Variants in SNX31 observed in about 807,000 individuals in gnomAD.
The protein encoded by SNX31 is sorting nexin 31.
In SNX31, 58 loss-of-function variants were observed where a neutral mutation model predicts 65.4. That is an observed-to-expected ratio of 0.89 (90% CI 0.72 to 1.10). The LOEUF (loss-of-function observed/expected upper bound fraction) is 1.10, where lower values mean the gene tolerates loss of function less well. Ranked by LOEUF, SNX31 falls within the 50% of genes least tolerant of loss-of-function variation. The pLI is 0.00. For missense variants in SNX31, 523 were observed against 529.7 expected, an observed-to-expected ratio of 0.99 and a Z score of 0.12; for synonymous variants, 181 against 190.1, an observed-to-expected ratio of 0.95 and a Z score of 0.39.
chr8:100,649,126 T>C (rs1300037717), intron 2 of SNX31, 148 bp downstream of exon 2: 1 of 715,320 alleles, frequency 1.4e-6, no homozygotes, highest in Non-Finnish European at 2.4e-6. Flanking sequence ...ATTCAGTTCA[T>C]CCTTACCAGG....
At chr8:100,615,851 G>A (rs1817133731) in intron 5 of SNX31, among the ~76,000 whole-genome samples, 1 of 152,104 alleles carries the variant, frequency 6.6e-6, no homozygotes, top group Admixed American at 6.5e-5. Flanking sequence ...CTCACTGCAA[G>A]CTCCGCCTCC....
chr8:100,651,961 C>A (rs542224313), upstream of SNX31, among the ~76,000 whole-genome samples: 6 of 150,482 alleles, frequency 4.0e-5, no homozygotes, highest in African/African-American at 9.8e-5. Flanking sequence ...ACTTGACAAG[C>A]GCACCCTTTA....
rs753305704 is a variant in SNX31, at chr8:100,635,935, T to C, written c.218A>G (p.Asp73Gly). Residue 73 changes from aspartate to glycine, a missense_variant, in exon 3 of 14, where the codon GAT (aspartate) becomes GGT (glycine). By Grantham distance (94) the Asp-to-Gly change is moderately conservative. Transcript: ENST00000311812. ...YYLAMTTAMA[D>G]ERRDQLEQYL... is the part of the protein sequence containing the mutation. ...TTGTTCCAGTTGGTCCCTCCTCTCA[T>C]CAGCCATAGCTGTGGTCATTGCCAG... is the stretch of plus-strand genomic sequence containing the variant. 6.8e-6 allele frequency: 11 copies of C among 1,614,048 alleles called. No homozygotes were observed. The highest frequency in any genetic ancestry group is 2.2e-5 in the East Asian group (1 of 44,900).
chr8:100,587,189 G>A (rs73699406), intron 11 of SNX31, among the ~76,000 whole-genome samples: 1 of 152,198 alleles, frequency 6.6e-6, no homozygotes, highest in Admixed American at 6.5e-5. Context: ...GCAGCTAGGA[G>A]TGGTCATATG....
Position 100,578,641 on chromosome 8 carries a change from T to C in SNX31, c.1171-1566A>G, listed in dbSNP as rs904541163. 7.2e-5 allele frequency among the ~76,000 whole-genome samples: 11 copies of C among 152,176 alleles called. No homozygotes were observed. Among genetic ancestry groups the C allele is most frequent in the African/African-American group, 2.7e-4 (11 of 41,460 alleles). On this transcript the variant is annotated intron_variant, in intron 12 of 13. Transcript: ENST00000311812. The surrounding 1 kb of genome is among the most constrained non-coding windows in gnomAD (Gnocchi z 4.7). ...GCATAAGACTTCCTTTAGGTTAGTA[T>C]TCTTAATGGAAATGTTCACATATTT...
intron 2 of SNX31, among the ~76,000 whole-genome samples, chr8:100,644,474 C>G (rs1190120397): frequency 2.6e-4 from 29 of 113,128 alleles, no homozygotes; most frequent in Non-Finnish European, 1.3e-4. Context: ...TCTAAAGGCA[C>G]AGAAAATGTG....
intron 12 of SNX31, among the ~76,000 whole-genome samples, chr8:100,581,319 C>CTATATATATATATCTA (rs1261112864): frequency 1.3e-4 from 16 of 123,054 alleles, no homozygotes; most frequent in African/African-American, 6.3e-4. Flanking sequence ...TTTTATATAT[C>CTATATATATATATCTA]TATATCTATC....
intron 9 of SNX31, 68 bp downstream of exon 9, chr8:100,600,281 A>G: frequency 7.4e-7 from 1 of 1,343,382 alleles, no homozygotes; most frequent in Non-Finnish European, 1.1e-6. Context: ...TTACAGAAAC[A>G]GTTCAATTCT....
At position 100,642,164 on chromosome 8, in the gene SNX31, A is replaced by G. The variant is rs1449791689; in HGVS notation, c.142-6153T>C. Reference sequence around the variant, plus strand: ...TTTTTCGGCCCTTCCAGAGACTGTCAAAAGGCATCCCAGTTGGAGCATTAT... The same window carrying G: ...TTTTTCGGCCCTTCCAGAGACTGTCGAAAGGCATCCCAGTTGGAGCATTAT... On this transcript the variant is annotated intron_variant, in intron 2 of 13. Coordinates refer to ENST00000311812, the MANE Select transcript of SNX31 (RefSeq NM_152628.4). Among the ~76,000 whole-genome samples, 11 of 152,334 alleles carry G rather than the reference A, an allele frequency of 7.2e-5. No individual in the cohort carries two copies. In the East Asian group the frequency reaches 2.1e-3, roughly 29 times the overall value.
At position 100,649,571 on chromosome 8, in the gene SNX31, G is replaced by A; in HGVS notation, c.-57C>T. 1 of 1,505,124 alleles carries A rather than the reference G, an allele frequency of 6.6e-7. No homozygotes were observed. Among genetic ancestry groups the A allele is most frequent in the East Asian group, 2.5e-5 (1 of 40,592 alleles). 93.2% of individuals were successfully genotyped at this position (1,505,124 alleles called of 1,614,324 possible). ...AACCCGACCTGCGGCGGCGGGCGGT[G>A]CGCGGCTCTGAACTCGGCAGCGGTG... is the stretch of plus-strand genomic sequence containing the variant. On this transcript the variant is annotated 5_prime_UTR_variant, in exon 1 of 14. Transcript: ENST00000311812.
chr8:100,624,001 G>A (rs141854363), intron 4 of SNX31, among the ~76,000 whole-genome samples: 24 of 151,934 alleles, frequency 1.6e-4, no homozygotes, highest in African/African-American at 3.6e-4. Context: ...ACTCCAGTTG[G>A]GGGGGAGGTG....
rs1813044151 is a variant in SNX31, at chr8:100,576,378, G to A, written c.1227+641C>T. Among the ~76,000 whole-genome samples, 1 of 152,114 alleles carries A rather than the reference G, an allele frequency of 6.6e-6. No homozygotes were observed. Among genetic ancestry groups the A allele is most frequent in the Non-Finnish European group, 1.5e-5 (1 of 68,030 alleles). On this transcript the variant is annotated intron_variant, in intron 13 of 13. Coordinates refer to ENST00000311812, the MANE Select transcript of SNX31 (RefSeq NM_152628.4). This position sits in a 1 kb window ranked among gnomAD's most constrained non-coding sequence, Gnocchi z 4.8. ...GACTTAGAAAGGAAGAGTTAGCAAG[G>A]GCACAGTTAGTTAAGGGCATAGTTC...
At chr8:100,577,482 C>T (rs1335146997) in intron 12 of SNX31, among the ~76,000 whole-genome samples, 8 of 152,148 alleles carry the variant, frequency 5.3e-5, no homozygotes, top group Admixed American at 3.3e-4. Context: ...AGAATCAAAG[C>T]GAAGTTCAAG....
In SNX31 at chr8:100,629,981, T is replaced by C. The variant is rs1327968750; in HGVS notation, c.321+346A>G. On this transcript the variant is annotated intron_variant, in intron 4 of 13. Coordinates refer to ENST00000311812, the MANE Select transcript of SNX31 (RefSeq NM_152628.4). The surrounding 1 kb of genome is among the most constrained non-coding windows in gnomAD (Gnocchi z 5.1). ...CAGAAGCAGGGTCACAGACATGTTA[T>C]GGGAACCCTTAATGATAAAGGCTGT... Among the ~76,000 whole-genome samples, 1 of 152,250 alleles carries C rather than the reference T, an allele frequency of 6.6e-6. No homozygotes were observed. The highest frequency in any genetic ancestry group is 1.5e-5 in the Non-Finnish European group (1 of 68,044).
At chr8:100,574,937 AG>A (rs1332053196) in intron 13 of SNX31, among the ~76,000 whole-genome samples, 2 of 152,212 alleles carry the variant, frequency 1.3e-5, no homozygotes, top group East Asian at 3.8e-4. Flanking sequence ...CTGTCTCATT[AG>A]AAAAAAAAAG....
chr8:100,599,415 T>A (rs1586901510), intron 9 of SNX31, among the ~76,000 whole-genome samples: 1 of 152,140 alleles, frequency 6.6e-6, no homozygotes, highest in Non-Finnish European at 1.5e-5. Context: ...GCTGCACTTG[T>A]TAAAATTTAC....
chr8:100,635,246 T>TTTA (rs1563573840), intron 3 of SNX31, among the ~76,000 whole-genome samples: 4 of 113,292 alleles, frequency 3.5e-5, no homozygotes, highest in African/African-American at 1.4e-4. Flanking sequence ...TTATTTATTT[T>TTTA]TATCTTTTTT....
Position 100,630,421 on chromosome 8 carries a change from G to A in SNX31, c.257-30C>T, listed in dbSNP as rs764754002. On this transcript the variant is annotated intron_variant, in intron 3 of 13. Transcript: ENST00000311812. The surrounding 1 kb of genome is among the most constrained non-coding windows in gnomAD (Gnocchi z 5.3). ...AAAACATGGACGGTGAGCCAGGTTA[G>A]CATGGGCTGGGCTGGGCCCTGCCTA... 1.6e-5 allele frequency: 26 copies of A among 1,604,384 alleles called. No homozygotes were observed. In the African/African-American group the frequency reaches 3.4e-4, roughly 21 times the overall value.
upstream of SNX31, among the ~76,000 whole-genome samples, chr8:100,651,559 G>T (rs533252549): frequency 1.3e-5 from 2 of 152,336 alleles, no homozygotes; most frequent in South Asian, 4.1e-4. Flanking sequence ...CCGTCCTCTT[G>T]CATCCCTGAC....
Sources: allele counts gnomAD v4.1 joint callset (sites outside exome capture counted in the v4.1 genomes callset), GRCh38; gene constraint gnomAD v4.1.1; non-coding constraint Gnocchi (gnomAD v3.1); transcripts MANE v1.5; gene names NCBI Gene and HGNC (gene_info 2026-07-23, HGNC 2026-07-21).